OTUD7B: variants seen among roughly 807,000 people sequenced by gnomAD.
OTUD7B encodes the protein OTU deubiquitinase 7B.
In OTUD7B, 34 loss-of-function variants were observed where a neutral mutation model predicts 82.2. That is an observed-to-expected ratio of 0.41 (90% CI 0.31 to 0.55). The LOEUF (loss-of-function observed/expected upper bound fraction) is 0.55. Ranked by LOEUF, OTUD7B falls within the 20% of genes least tolerant of loss-of-function variation. OTUD7B has a pLI of 0.20. For synonymous variants in OTUD7B, 398 were observed against 402.7 expected, an observed-to-expected ratio of 0.99 and a Z score of 0.14; for missense variants, 944 against 1,062.1, an observed-to-expected ratio of 0.89 and a Z score of 1.55.
At chr1:149,978,752 C>T (rs375845111) in intron 1 of OTUD7B, among the ~76,000 whole-genome samples, 1 of 152,208 alleles carries the variant, frequency 6.6e-6, no homozygotes, top group Non-Finnish European at 1.5e-5. Context: ...ACCAATCCAA[C>T]ATTCCTCTGA....
chr1:150,025,332 T>C, the OTUD7B span, among the ~76,000 whole-genome samples: 1 of 151,736 alleles, frequency 6.6e-6, no homozygotes, highest in Admixed American at 6.6e-5. Context: ...GGAGAATCGC[T>C]TGAACCCAGG....
the OTUD7B span, among the ~76,000 whole-genome samples, chr1:150,057,070 T>C: frequency 2.0e-5 from 3 of 152,186 alleles, no homozygotes; most frequent in Non-Finnish European, 4.4e-5. Context: ...TGATAAGATA[T>C]ATCAACATTA....
chr1:149,974,364 C>T (rs1477566312), intron 2 of OTUD7B, among the ~76,000 whole-genome samples: 2 of 152,114 alleles, frequency 1.3e-5, no homozygotes, highest in Non-Finnish European at 2.9e-5. Flanking sequence ...ATCATTTCTT[C>T]TCTGGCCAGA....
intron 1 of OTUD7B, among the ~76,000 whole-genome samples, chr1:149,986,021 T>C (rs955171151): frequency 3.3e-5 from 5 of 152,144 alleles, no homozygotes; most frequent in Non-Finnish European, 5.9e-5. Flanking sequence ...TGCCCACTTC[T>C]TTCTTGGTGC....
chr1:150,024,594 C>T, the OTUD7B span, among the ~76,000 whole-genome samples: 1 of 152,136 alleles, frequency 6.6e-6, no homozygotes, highest in South Asian at 2.1e-4. Flanking sequence ...TATATAAATA[C>T]AGATATTGGA....
intron 5 of OTUD7B, among the ~76,000 whole-genome samples, chr1:149,965,226 G>A (rs1384215989): frequency 1.3e-5 from 2 of 152,038 alleles, no homozygotes; most frequent in Admixed American, 6.5e-5. Flanking sequence ...TTACAGTGGG[G>A]CATGGTGGCT....
intron 7 of OTUD7B, among the ~76,000 whole-genome samples, chr1:149,954,854 T>C (rs1648541728): frequency 6.6e-6 from 1 of 152,234 alleles, no homozygotes; most frequent in Non-Finnish European, 1.5e-5. Context: ...TAGTCTCTGA[T>C]GGAAGTTTGT....
At chr1:149,997,797 ATT>A (rs1172680132) in intron 1 of OTUD7B, among the ~76,000 whole-genome samples, 4 of 152,150 alleles carry the variant, frequency 2.6e-5, no homozygotes, top group Admixed American at 6.6e-5. Flanking sequence ...TCAACTTCCC[ATT>A]TTGTTTTCCA....
At chr1:149,955,469 G>T (rs1648597941) in intron 7 of OTUD7B, among the ~76,000 whole-genome samples, 1 of 152,156 alleles carries the variant, frequency 6.6e-6, no homozygotes. Context: ...CAACTATGTG[G>T]TCAATTTTGG....
intron 1 of OTUD7B, among the ~76,000 whole-genome samples, chr1:150,002,230 CTTT>C (rs1652343526): frequency 6.6e-6 from 1 of 150,528 alleles, no homozygotes; most frequent in Non-Finnish European, 1.5e-5. Flanking sequence ...GATAAATATA[CTTT>C]TAATCAGTGC....
Position 149,976,928 on chromosome 1 carries a change from C to T in OTUD7B, c.85+498G>A, listed in dbSNP as rs202119395. ...CTGAGGTAAGGAGTTCAAGACCAGCCTGGCCAACAGGTGAAACTTAATCTC... is the reference window on the plus strand; with the variant it reads ...CTGAGGTAAGGAGTTCAAGACCAGCTTGGCCAACAGGTGAAACTTAATCTC... On this transcript the variant is annotated intron_variant, in intron 2 of 11. Coordinates refer to ENST00000581312, the MANE Select transcript of OTUD7B (RefSeq NM_020205.4). Among the ~76,000 whole-genome samples the T allele has an allele frequency of 2.6e-4, 40 of 152,196 alleles. No individual in the cohort carries two copies. The East Asian group carries it at 6.6e-3, about 25-fold the overall frequency.
intron 1 of OTUD7B, among the ~76,000 whole-genome samples, chr1:150,008,582 T>C (rs967084538): frequency 6.6e-6 from 1 of 152,196 alleles, no homozygotes; most frequent in African/African-American, 2.4e-5. Flanking sequence ...GAGGGAGTCT[T>C]CAGTATTAAA....
the OTUD7B span, among the ~76,000 whole-genome samples, chr1:150,022,313 G>A: frequency 3.3e-5 from 5 of 149,660 alleles, no homozygotes; most frequent in South Asian, 6.5e-4. Flanking sequence ...CAGGAGAATC[G>A]CTTGAAACCG....
rs756311235 is a variant in OTUD7B at position 149,954,908 on chromosome 1, T to C, written c.846-4687A>G. ...GTGATATGCCCTTTATCATTTTTTA[T>C]TGTGTCTATTTGATTCTTCTCTCTT... On this transcript the variant is annotated intron_variant, in intron 7 of 11. Transcript: ENST00000581312. Among the ~76,000 whole-genome samples, 59 of 152,332 alleles carry C rather than the reference T, an allele frequency of 3.9e-4. 1 individual carries two copies. The highest frequency in any genetic ancestry group is 1.6e-3 in the Admixed American group (25 of 15,300).
Position 149,947,244 on chromosome 1 carries a change from T to G in OTUD7B, c.1323+7A>C, listed in dbSNP as rs1448214875. The G allele has an allele frequency of 1.9e-6, 3 of 1,546,090 alleles. No homozygotes were observed. The highest frequency in any genetic ancestry group is 1.4e-5 in the African/African-American group (1 of 73,542). On this transcript the variant is annotated splice_region_variant and intron_variant, in intron 11 of 11. Coordinates refer to ENST00000581312, the MANE Select transcript of OTUD7B (RefSeq NM_020205.4). ...CACACCAGGGTAGATGTGGGAGAAG[T>G]CTTCACCTGTGCATCAGAGGACAGT...
At chr1:150,063,029 A>G in the OTUD7B span, among the ~76,000 whole-genome samples, 1 of 151,162 alleles carries the variant, frequency 6.6e-6, no homozygotes, top group Admixed American at 6.6e-5. Flanking sequence ...TTATACTTAT[A>G]ACAAGCTCAA....
At chr1:149,990,626 C>T (rs1651497843) in intron 1 of OTUD7B, among the ~76,000 whole-genome samples, 1 of 152,166 alleles carries the variant, frequency 6.6e-6, no homozygotes, top group East Asian at 1.9e-4. Context: ...TCATAATAAA[C>T]ATTTTTCAAA....
intron 7 of OTUD7B, among the ~76,000 whole-genome samples, chr1:149,953,678 G>A (rs1331696557): frequency 2.0e-5 from 3 of 152,202 alleles, no homozygotes; most frequent in African/African-American, 7.2e-5. Context: ...TCCTATCCAA[G>A]AGCATGAAAT....
intron 9 of OTUD7B, 86 bp downstream of exon 9, chr1:149,949,543 T>A: frequency 7.2e-7 from 1 of 1,380,382 alleles, no homozygotes; most frequent in Non-Finnish European, 1.0e-6. Flanking sequence ...GGCTTGCATG[T>A]CACTTAATTC....
Sources: allele counts gnomAD v4.1 joint callset (sites outside exome capture counted in the v4.1 genomes callset), GRCh38; gene constraint gnomAD v4.1.1; transcripts MANE v1.5; gene names NCBI Gene and HGNC (gene_info 2026-07-23, HGNC 2026-07-21).